ABLIM1: variants seen among roughly 807,000 people sequenced by gnomAD.
ABLIM1 encodes actin-binding LIM protein 1.
A neutral mutation model predicts 107.0 loss-of-function variants in ABLIM1; 40 were observed. That is an observed-to-expected ratio of 0.37 (90% CI 0.29 to 0.49). The LOEUF is 0.49. Among genes scored for constraint, ABLIM1 ranks in the 20% least tolerant of loss-of-function variants. ABLIM1 has a pLI of 0.97. For synonymous variants in ABLIM1, 357 were observed against 357.3 expected (o/e 1.00, Z 0.01); for missense variants, 857 against 1,008.5 (o/e 0.85, Z 2.04).
intron 2 of ABLIM1, among the ~76,000 whole-genome samples, chr10:114,592,825 G>T (rs2075038322): frequency 6.6e-6 from 1 of 152,164 alleles, no homozygotes; most frequent in South Asian, 2.1e-4. Context: ...TGGAAGGAAA[G>T]TCTTGATATC....
At chr10:114,598,827 G>T (rs1034837304) in intron 2 of ABLIM1, among the ~76,000 whole-genome samples, 3 of 151,994 alleles carry the variant, frequency 2.0e-5, no homozygotes, top group African/African-American at 7.3e-5. Context: ...AATTATACAA[G>T]TGGCTTGCAT....
the ABLIM1 span, among the ~76,000 whole-genome samples, chr10:114,786,757 G>A: frequency 1.3e-5 from 2 of 152,206 alleles, no homozygotes; most frequent in African/African-American, 2.4e-5. Context: ...TCCGCCTCCC[G>A]AGGTGCCGGG....
intron 1 of ABLIM1, among the ~76,000 whole-genome samples, chr10:114,621,059 A>C (rs1228505173): frequency 6.6e-6 from 1 of 152,160 alleles, no homozygotes; most frequent in Non-Finnish European, 1.5e-5. Context: ...CAAAATGCTA[A>C]ACTGAGCTGC....
At chr10:114,539,030 C>T (rs2066339672) in intron 6 of ABLIM1, among the ~76,000 whole-genome samples, 1 of 152,224 alleles carries the variant, frequency 6.6e-6, no homozygotes, top group South Asian at 2.1e-4. Flanking sequence ...TTTCCAAACA[C>T]TTGTCAAGAA....
intron 1 of ABLIM1, among the ~76,000 whole-genome samples, chr10:114,656,733 T>C (rs1340788088): frequency 6.6e-6 from 1 of 152,188 alleles, no homozygotes; most frequent in Non-Finnish European, 1.5e-5. Flanking sequence ...GGTGAAATAG[T>C]ATTTGGCCAT....
At chr10:114,668,879 G>A (rs1308580786) in intron 1 of ABLIM1, among the ~76,000 whole-genome samples, 1 of 152,220 alleles carries the variant, frequency 6.6e-6, no homozygotes, top group African/African-American at 2.4e-5. Flanking sequence ...GTCAGAGCAG[G>A]AGGGATAGCT....
At chr10:114,659,839 C>T (rs915669222), upstream of ABLIM1, among the ~76,000 whole-genome samples, 2 of 152,152 alleles carry the variant, frequency 1.3e-5, no homozygotes, top group African/African-American at 4.8e-5. Flanking sequence ...AGGGTGGAGC[C>T]GGGTCTTCTG....
At chr10:114,747,069 G>T (rs906682440) in intron 1 of ABLIM1, among the ~76,000 whole-genome samples, 1 of 152,058 alleles carries the variant, frequency 6.6e-6, no homozygotes, top group Non-Finnish European at 1.5e-5. Flanking sequence ...TGTTTTCTTT[G>T]ATGTGTAGAA....
At chr10:114,718,464 C>G (rs1007894502) in intron 1 of ABLIM1, among the ~76,000 whole-genome samples, 1 of 152,148 alleles carries the variant, frequency 6.6e-6, no homozygotes, top group Admixed American at 6.5e-5. Context: ...CAAAAATTTT[C>G]CTTCTCCAAA....
At chr10:114,552,073 G>A (rs2068128438) in intron 4 of ABLIM1, among the ~76,000 whole-genome samples, 1 of 152,084 alleles carries the variant, frequency 6.6e-6, no homozygotes, top group Admixed American at 6.6e-5. Flanking sequence ...CTAGATAAGG[G>A]AATACCAGCC....
At chr10:114,601,562 A>C in intron 2 of ABLIM1, 1 of 524,924 alleles carries the variant, frequency 1.9e-6, no homozygotes, top group East Asian at 3.7e-5. Context: ...CGGCCTTTTT[A>C]CTGCTCGTTC....
intron 8 of ABLIM1, among the ~76,000 whole-genome samples, chr10:114,482,268 AT>A (rs2057487376): frequency 6.6e-6 from 1 of 152,136 alleles, no homozygotes; most frequent in Non-Finnish European, 1.5e-5. Context: ...TATTTTCATC[AT>A]TTTCTTTTAC....
chr10:114,482,749 G>A (rs573140735), intron 8 of ABLIM1, among the ~76,000 whole-genome samples: 6 of 152,304 alleles, frequency 3.9e-5, no homozygotes, highest in Admixed American at 3.9e-4. Flanking sequence ...GAGGAGAGAA[G>A]TTATTGAAAA....
At chr10:114,438,945 G>C (rs958290538) in intron 21 of ABLIM1, among the ~76,000 whole-genome samples, 4 of 152,224 alleles carry the variant, frequency 2.6e-5, no homozygotes, top group East Asian at 1.9e-4. Context: ...TTGGTCATAG[G>C]CAGAGAGGGA....
At position 114,547,769 on chromosome 10, in the gene ABLIM1, G is replaced by T. The variant is rs201557556; in HGVS notation, c.681C>A (p.Ala227=). The change falls in exon 5 of 23, where the codon GCC becomes GCA. Residue 227 remains alanine (A), a synonymous_variant. Transcript: ENST00000533213. ...CATTCTTGATATCTCTTCCGCAGCC[G>T]GCACAATCTGAAAAAGAGCAGCCGC... ...PKETTFSSNC[A]GCGRDIKNGQ... The T allele has an allele frequency of 1.2e-6, 2 of 1,608,658 alleles. No homozygotes were observed. Among genetic ancestry groups the T allele is most frequent in the East Asian group, 2.2e-5 (1 of 44,888 alleles).
intron 1 of ABLIM1, among the ~76,000 whole-genome samples, chr10:114,720,845 A>G (rs1005741220): frequency 2.6e-5 from 4 of 152,188 alleles, no homozygotes; most frequent in Admixed American, 6.5e-5. Context: ...TTTGCCTGCC[A>G]CTTACTTTCA....
At chr10:114,441,667 A>G (rs1457710406) in intron 18 of ABLIM1, 55 bp downstream of exon 18, 1 of 1,529,210 alleles carries the variant, frequency 6.5e-7, no homozygotes, top group Non-Finnish European at 9.1e-7. Context: ...CAATACTTCA[A>G]CCAGGGCCGA....
At chr10:114,759,602 G>A (rs1267641667) in intron 1 of ABLIM1, among the ~76,000 whole-genome samples, 11 of 152,152 alleles carry the variant, frequency 7.2e-5, no homozygotes, top group African/African-American at 2.4e-4. Context: ...CTTGCCATTT[G>A]GGAAAATAGC....
chr10:114,685,916 C>T (rs944879416), upstream of ABLIM1, among the ~76,000 whole-genome samples: 1 of 152,108 alleles, frequency 6.6e-6, no homozygotes, highest in Non-Finnish European at 1.5e-5. Context: ...CTAGTTTTTC[C>T]TACTCCTTTA....
Sources: gnomAD v4.1 joint callset for allele counts (sites outside exome capture counted in the v4.1 genomes callset) on GRCh38, gnomAD v4.1.1 for gene constraint, MANE v1.5 for transcripts, NCBI Gene and HGNC (gene_info 2026-07-23, HGNC 2026-07-21) for gene names.